The following ETNK1 variants were observed in gnomAD, a reference collection of about 807,000 sequenced individuals.
ETNK1 encodes the protein putative protein product of Nbla10396.
Under a neutral mutation model 45.1 loss-of-function variants are expected in ETNK1, and 8 were observed. The ratio of observed to expected loss-of-function variants is 0.18; its 90% CI spans 0.10 to 0.32. The LOEUF is 0.32. Ranked by LOEUF, ETNK1 falls within the 10% of genes least tolerant of loss-of-function variation. ETNK1 has a pLI of 1.00. For synonymous variants in ETNK1, 152 were observed against 151.9 expected (o/e 1.00, Z -0.01); for missense variants, 302 against 430.6 (o/e 0.70, Z 2.64).
At chr12:22,645,702 T>C (rs1953799747) in intron 2 of ETNK1, among the ~76,000 whole-genome samples, 1 of 151,810 alleles carries the variant, frequency 6.6e-6, no homozygotes, top group Non-Finnish European at 1.5e-5. Context: ...TCAGACATTT[T>C]TTTTTGGGTT....
intron 4 of ETNK1, among the ~76,000 whole-genome samples, chr12:22,661,740 T>C (rs957238654): frequency 6.6e-6 from 1 of 152,226 alleles, no homozygotes; most frequent in Admixed American, 6.5e-5. Flanking sequence ...TTGTAGTTGC[T>C]CAAATTTATA....
rs778101756 is a variant in ETNK1 at position 22,684,570 on chromosome 12, T to C, written c.1019+14T>C. Reference sequence around the variant, plus strand: ...TGATTTCCTTGGGTAAGTTAAATTTTATTATATGATTACATTGGTCTCTGC... The same window carrying C: ...TGATTTCCTTGGGTAAGTTAAATTTCATTATATGATTACATTGGTCTCTGC... On this transcript the variant is annotated intron_variant, in intron 7 of 7. Coordinates refer to ENST00000266517, the MANE Select transcript of ETNK1 (RefSeq NM_018638.5). 2.0e-6 allele frequency: 3 copies of C among 1,513,774 alleles called. No homozygotes were observed. The highest frequency in any genetic ancestry group is 2.7e-6 in the Non-Finnish European group (3 of 1,092,704). The allele number at this position is 1,513,774 out of a possible 1,614,324, so 93.8% of individuals were successfully genotyped here. A position where few individuals can be genotyped will look rare whatever the true frequency, so the allele number is the denominator to read the frequency against.
At chr12:22,645,233 A>G (rs1378225808) in intron 2 of ETNK1, among the ~76,000 whole-genome samples, 1 of 151,834 alleles carries the variant, frequency 6.6e-6, no homozygotes, top group Non-Finnish European at 1.5e-5. Flanking sequence ...TAATAGATGC[A>G]TAGATTGGAT....
At chr12:22,667,172 G>A (rs567955363) in intron 4 of ETNK1, among the ~76,000 whole-genome samples, 9 of 152,152 alleles carry the variant, frequency 5.9e-5, no homozygotes, top group African/African-American at 2.2e-4. Context: ...CCTAATATAG[G>A]TACTAGTTTG....
At position 22,689,812 on chromosome 12, in the gene ETNK1, C is replaced by T. The variant is rs1165948720; in HGVS notation, c.*4858C>T. On this transcript the variant is annotated 3_prime_UTR_variant, in exon 8 of 8. Coordinates refer to ENST00000266517, the MANE Select transcript of ETNK1 (RefSeq NM_018638.5). ...TTATAGGTAGTGACACACTGAAATT[C>T]TTATTTGTCCAATAATCTGAAGTAG... 1 of 151,932 alleles carries T rather than the reference C, an allele frequency of 6.6e-6. No individual in the cohort carries two copies. The highest frequency in any genetic ancestry group is 1.9e-4 in the East Asian group (1 of 5,198). 9.4% of individuals were successfully genotyped at this position (151,932 alleles called of 1,614,324 possible).
At chr12:22,633,174 C>T (rs545603405) in intron 1 of ETNK1, among the ~76,000 whole-genome samples, 79 of 152,164 alleles carry the variant, frequency 5.2e-4, no homozygotes, top group African/African-American at 1.8e-3. Flanking sequence ...GTGATTGTCC[C>T]GGTTTATATT....
At chr12:22,673,440 A>T (rs911403769) in intron 5 of ETNK1, 60 bp from the exon 6 acceptor site, 1 of 1,319,736 alleles carries the variant, frequency 7.6e-7, no homozygotes, top group Non-Finnish European at 1.0e-6. Flanking sequence ...AGGGATTATT[A>T]AGGTATGCAG....
intron 4 of ETNK1, among the ~76,000 whole-genome samples, chr12:22,668,079 T>G (rs1403269279): frequency 6.6e-6 from 1 of 152,198 alleles, no homozygotes; most frequent in Non-Finnish European, 1.5e-5. Context: ...ACCTAGCCCT[T>G]AAAGTAGTAG....
chr12:22,674,574 A>T (rs1176652859), intron 6 of ETNK1, among the ~76,000 whole-genome samples: 3 of 152,192 alleles, frequency 2.0e-5, no homozygotes, highest in African/African-American at 7.2e-5. Context: ...TGGTCCTAGG[A>T]TGCCTGCTTT....
intron 1 of ETNK1, among the ~76,000 whole-genome samples, chr12:22,627,059 CTTTAAAG>C (rs1241976038): frequency 6.6e-6 from 1 of 152,096 alleles, no homozygotes; most frequent in African/African-American, 2.4e-5. Context: ...TAAGCAGTGA[CTTTAAAG>C]TTTAAAGCTT....
intron 1 of ETNK1, among the ~76,000 whole-genome samples, chr12:22,636,936 A>G (rs1285059001): frequency 2.6e-5 from 4 of 152,184 alleles, no homozygotes; most frequent in Admixed American, 2.0e-4. Context: ...AGGCTTGAGC[A>G]TTTGTAGATT....
chr12:22,626,928 A>G (rs370250783), intron 1 of ETNK1, among the ~76,000 whole-genome samples: 1 of 152,198 alleles, frequency 6.6e-6, no homozygotes, highest in Non-Finnish European at 1.5e-5. Flanking sequence ...GTATTTTATT[A>G]TATAAGACTC....
chr12:22,674,022 CCACAA>C (rs1168527224), intron 6 of ETNK1, among the ~76,000 whole-genome samples: 1 of 152,138 alleles, frequency 6.6e-6, no homozygotes, highest in East Asian at 1.9e-4. Flanking sequence ...AGGAGCTTTT[CCACAA>C]CACATTTTAT....
At chr12:22,639,745 G>C (rs1458647149) in intron 1 of ETNK1, among the ~76,000 whole-genome samples, 1 of 152,054 alleles carries the variant, frequency 6.6e-6, no homozygotes, top group Non-Finnish European at 1.5e-5. Flanking sequence ...ATTTCATATT[G>C]CATCACATCA....
At chr12:22,659,259 T>A in intron 3 of ETNK1, 105 bp downstream of exon 3, 1 of 1,164,338 alleles carries the variant, frequency 8.6e-7, no homozygotes, top group Non-Finnish European at 1.2e-6. Flanking sequence ...TGGTTTTCTT[T>A]CTTTGCATTG....
chr12:22,670,712 G>C (rs541114917), intron 4 of ETNK1, among the ~76,000 whole-genome samples: 3 of 152,284 alleles, frequency 2.0e-5, no homozygotes, highest in Non-Finnish European at 4.4e-5. Flanking sequence ...TAGTATTACA[G>C]GAAAATGTAA....
intron 6 of ETNK1, among the ~76,000 whole-genome samples, chr12:22,684,031 T>G (rs1337901332): frequency 1.3e-5 from 2 of 152,192 alleles, no homozygotes; most frequent in Non-Finnish European, 2.9e-5. Context: ...TTTCAGATGT[T>G]TGTCACCCCT....
intron 4 of ETNK1, among the ~76,000 whole-genome samples, chr12:22,666,710 T>C (rs939595200): frequency 6.6e-6 from 1 of 152,192 alleles, no homozygotes; most frequent in Non-Finnish European, 1.5e-5. Context: ...TTTACAGCTG[T>C]TTAAGGAAAT....
chr12:22,647,201 T>C (rs1446625271), intron 2 of ETNK1, among the ~76,000 whole-genome samples: 1 of 151,938 alleles, frequency 6.6e-6, no homozygotes, highest in Admixed American at 6.6e-5. Flanking sequence ...AAATTTCTTA[T>C]CAGATATTTC....
Sources: gnomAD v4.1 joint callset for allele counts (sites outside exome capture counted in the v4.1 genomes callset) on GRCh38, gnomAD v4.1.1 for gene constraint, MANE v1.5 for transcripts, NCBI Gene and HGNC (gene_info 2026-07-23, HGNC 2026-07-21) for gene names.